Variants in SGCZ observed in about 807,000 individuals in gnomAD.
SGCZ encodes sarcoglycan zeta.
Under a neutral mutation model 41.3 loss-of-function variants are expected in SGCZ, and 40 were observed. The observed-to-expected ratio is 0.97, with a 90% CI of 0.75 to 1.26. SGCZ has a LOEUF of 1.26. Among genes scored for constraint, SGCZ ranks in the 50% most tolerant of loss-of-function variants. The pLI, the probability that SGCZ is intolerant of heterozygous loss-of-function variation, is 0.00. For synonymous variants in SGCZ, 206 were observed against 137.5 expected (o/e 1.50, Z -3.49); for missense variants, 552 against 369.8 (o/e 1.49, Z -4.04).
intron 3 of SGCZ, among the ~76,000 whole-genome samples, chr8:14,314,535 A>G (rs1469845373): frequency 1.3e-5 from 2 of 152,168 alleles, no homozygotes; most frequent in African/African-American, 2.4e-5. Flanking sequence ...ATACAAGACA[A>G]TATCTTTCAT....
intron 1 of SGCZ, among the ~76,000 whole-genome samples, chr8:14,965,286 G>T (rs562289694): frequency 1.3e-5 from 2 of 152,038 alleles, no homozygotes; most frequent in African/African-American, 4.8e-5. Flanking sequence ...TGGTAGGTGC[G>T]ATGTTTAACC....
intron 2 of SGCZ, among the ~76,000 whole-genome samples, chr8:14,377,666 C>G (rs28844625): frequency 0.015 from 2,207 of 151,988 alleles, 56 homozygotes; most frequent in African/African-American, 0.05. Context: ...TCTCCCAATA[C>G]TATCCCTCCC....
At chr8:14,276,779 C>T (rs1341547593) in intron 3 of SGCZ, among the ~76,000 whole-genome samples, 1 of 152,146 alleles carries the variant, frequency 6.6e-6, no homozygotes, top group African/African-American at 2.4e-5. Context: ...AAAATAGGGT[C>T]TGGAGGCAGG....
chr8:14,328,410 C>G (rs1243724434), intron 2 of SGCZ, among the ~76,000 whole-genome samples: 1 of 152,074 alleles, frequency 6.6e-6, no homozygotes, highest in Non-Finnish European at 1.5e-5. Flanking sequence ...CACTTCTTCC[C>G]TTTGTTAAGT....
At chr8:14,449,138 G>C (rs1289284183) in intron 2 of SGCZ, among the ~76,000 whole-genome samples, 1 of 152,174 alleles carries the variant, frequency 6.6e-6, no homozygotes, top group Non-Finnish European at 1.5e-5. Flanking sequence ...GGGAGGAATT[G>C]TGCTGTACAA....
intron 1 of SGCZ, among the ~76,000 whole-genome samples, chr8:14,873,106 C>T (rs1180732448): frequency 6.6e-6 from 1 of 152,026 alleles, no homozygotes; most frequent in Non-Finnish European, 1.5e-5. Context: ...ACAGCAGTTA[C>T]TTAATAATGG....
intron 1 of SGCZ, among the ~76,000 whole-genome samples, chr8:14,680,192 A>G (rs1334374854): frequency 6.6e-6 from 1 of 152,104 alleles, no homozygotes; most frequent in Non-Finnish European, 1.5e-5. Flanking sequence ...CAAGAGGTGA[A>G]GTGGAGGGGG....
intron 1 of SGCZ, among the ~76,000 whole-genome samples, chr8:14,714,469 G>A (rs931426395): frequency 3.9e-5 from 6 of 152,030 alleles, no homozygotes; most frequent in African/African-American, 1.2e-4. Flanking sequence ...ATGAATTTCC[G>A]AAAAGCTATA....
intron 2 of SGCZ, among the ~76,000 whole-genome samples, chr8:14,485,644 G>C (rs1367643835): frequency 1.3e-5 from 2 of 152,020 alleles, no homozygotes; most frequent in African/African-American, 4.8e-5. Context: ...CATGAGACAT[G>C]CGTGAGGACA....
At chr8:14,473,877 G>A (rs571439616) in intron 2 of SGCZ, among the ~76,000 whole-genome samples, 1 of 150,718 alleles carries the variant, frequency 6.6e-6, no homozygotes, top group Non-Finnish European at 1.5e-5. Flanking sequence ...GACAGAGCTT[G>A]CAGTGAGCCA....
Position 14,603,157 on chromosome 8 carries a change from A to G in SGCZ, c.40-48231T>C, listed in dbSNP as rs550945504. ...ATGAGATACTGCCACATATAGGTCA[A>G]CCTAAACCTTCGTTCTTGAAGACCA... On this transcript the variant is annotated intron_variant, in intron 1 of 7. Coordinates refer to ENST00000382080, the MANE Select transcript of SGCZ (RefSeq NM_139167.4). Among the ~76,000 whole-genome samples the G allele has an allele frequency of 1.4e-3, 206 of 152,272 alleles. 3 individuals carry two copies. Among genetic ancestry groups the G allele is most frequent in the African/African-American group, 4.8e-3 (201 of 41,552 alleles).
At chr8:14,124,861 T>G (rs1251081170) in intron 5 of SGCZ, among the ~76,000 whole-genome samples, 3 of 152,162 alleles carry the variant, frequency 2.0e-5, no homozygotes, top group Non-Finnish European at 4.4e-5. Flanking sequence ...CTAAAGGTAT[T>G]ATATATACAT....
chr8:14,965,989 C>T (rs1292781868), intron 1 of SGCZ, among the ~76,000 whole-genome samples: 1 of 151,914 alleles, frequency 6.6e-6, no homozygotes, highest in Non-Finnish European at 1.5e-5. Flanking sequence ...TCTCAAGCAG[C>T]ACTGAAAAAA....
At chr8:14,621,444 T>C (rs1585131715) in intron 1 of SGCZ, among the ~76,000 whole-genome samples, 1 of 148,702 alleles carries the variant, frequency 6.7e-6, no homozygotes, top group South Asian at 2.1e-4. Context: ...AATAAAAAAA[T>C]AAATAAAAAA....
chr8:15,111,047 T>A (rs1807031153), intron 1 of SGCZ, among the ~76,000 whole-genome samples: 1 of 152,104 alleles, frequency 6.6e-6, no homozygotes. Flanking sequence ...GGCAGGAGAA[T>A]ATGGTCTGGA....
chr8:14,779,879 A>G (rs1800532519), intron 1 of SGCZ, among the ~76,000 whole-genome samples: 1 of 152,228 alleles, frequency 6.6e-6, no homozygotes, highest in Non-Finnish European at 1.5e-5. Flanking sequence ...TTGTTTAAAG[A>G]TTACATTTAT....
At chr8:14,351,913 C>T (rs1007319601) in intron 2 of SGCZ, among the ~76,000 whole-genome samples, 45 of 152,000 alleles carry the variant, frequency 3.0e-4, no homozygotes, top group African/African-American at 9.9e-4. Flanking sequence ...TATATGAACA[C>T]GGACACTTTG....
chr8:14,252,601 A>G (rs904937889), intron 3 of SGCZ, among the ~76,000 whole-genome samples: 1 of 152,164 alleles, frequency 6.6e-6, no homozygotes, highest in Non-Finnish European at 1.5e-5. Context: ...TTAAGGAAGC[A>G]TTCTTCTAGA....
chr8:14,403,858 A>AT (rs149679005), intron 2 of SGCZ, among the ~76,000 whole-genome samples: 6,105 of 152,184 alleles, frequency 0.04, 385 homozygotes, highest in African/African-American at 0.14. Context: ...TTAACTATAT[A>AT]TTTTTTATTT....
Sources: gnomAD v4.1 joint callset for allele counts (sites outside exome capture counted in the v4.1 genomes callset) on GRCh38, gnomAD v4.1.1 for gene constraint, MANE v1.5 for transcripts, NCBI Gene and HGNC (gene_info 2026-07-23, HGNC 2026-07-21) for gene names.